EPHB1: variants seen among roughly 807,000 people sequenced by gnomAD.
EPHB1 encodes EPH receptor B1, also known as ephrin type-B receptor 1.
A neutral mutation model predicts 94.4 loss-of-function variants in EPHB1; 30 were observed. The ratio of observed to expected loss-of-function variants is 0.32; its 90% CI spans 0.24 to 0.43. EPHB1 has a LOEUF of 0.43. EPHB1 is among the 20% of genes least tolerant of loss of function. The pLI, the probability that EPHB1 is intolerant of heterozygous loss-of-function variation, is 1.00. For missense variants in EPHB1, 1,055 were observed against 1,308.3 expected, an observed-to-expected ratio of 0.81 and a Z score of 2.99; for synonymous variants, 522 against 489.1, an observed-to-expected ratio of 1.07 and a Z score of -0.89.
chr3:134,799,260 G>A (rs2035890203), intron 1 of EPHB1, among the ~76,000 whole-genome samples: 1 of 152,210 alleles, frequency 6.6e-6, no homozygotes, highest in East Asian at 1.9e-4. Context: ...GCCACAAGGT[G>A]AGGCAGTGAT....
chr3:135,038,951 C>G (rs993356081), intron 3 of EPHB1, among the ~76,000 whole-genome samples: 2 of 152,118 alleles, frequency 1.3e-5, no homozygotes, highest in African/African-American at 2.4e-5. Flanking sequence ...TTTGTCACGG[C>G]GCTGATTGGT....
At chr3:135,076,071 T>A (rs1937900329) in intron 3 of EPHB1, among the ~76,000 whole-genome samples, 1 of 151,980 alleles carries the variant, frequency 6.6e-6, no homozygotes. Flanking sequence ...TCCAAATGGA[T>A]CATAGACCTA....
chr3:135,090,135 T>G (rs141157646), intron 3 of EPHB1, among the ~76,000 whole-genome samples: 73 of 152,338 alleles, frequency 4.8e-4, no homozygotes, highest in African/African-American at 1.7e-3. Flanking sequence ...CTTCGCTGCC[T>G]CTGTTGCAGT....
chr3:134,932,106 G>A (rs1214251959), intron 2 of EPHB1, among the ~76,000 whole-genome samples: 6 of 152,006 alleles, frequency 3.9e-5, no homozygotes, highest in Non-Finnish European at 8.8e-5. Flanking sequence ...CAGTTCTAGA[G>A]TTCTGGAAAC....
At position 135,156,999 on chromosome 3, in the gene EPHB1, C is replaced by T. The variant is rs139674830; in HGVS notation, c.1422+2723C>T. The stretch of plus-strand genomic sequence containing the variant: ...AAAAACAATAATAATTTCTCCCCAG[C>T]GTGCACCTATTGTGTGCCAGGGGTT... On this transcript the variant is annotated intron_variant, in intron 6 of 15. Transcript: ENST00000398015. Among the ~76,000 whole-genome samples, 585 of 152,220 alleles carry T rather than the reference C, an allele frequency of 3.8e-3. 3 individuals are homozygous for T. Among genetic ancestry groups the T allele is most frequent in the African/African-American group, 0.013 (544 of 41,492 alleles).
chr3:135,010,855 C>T (rs1652068167), intron 3 of EPHB1, among the ~76,000 whole-genome samples: 1 of 152,060 alleles, frequency 6.6e-6, no homozygotes, highest in South Asian at 2.1e-4. Flanking sequence ...AGCCACCGTG[C>T]CCGGCCGAGG....
intron 12 of EPHB1, among the ~76,000 whole-genome samples, chr3:135,204,261 T>G (rs1942837912): frequency 6.6e-6 from 1 of 152,184 alleles, no homozygotes; most frequent in Non-Finnish European, 1.5e-5. Context: ...TGGAGTGCAA[T>G]GGCATGATCT....
At position 134,801,508 on chromosome 3, in the gene EPHB1, G is replaced by A. The variant is rs566249127; in HGVS notation, c.58+5819G>A. Among the ~76,000 whole-genome samples the A allele has an allele frequency of 3.9e-5, 6 of 152,258 alleles. No individual in the cohort carries two copies. In the East Asian group the frequency reaches 1.2e-3, roughly 29 times the overall value. ...GGATTCCAGGAGTCTGCATTCCTTG[G>A]AAGAGCTCTTTTTATGTTTCCCTCT... On this transcript the variant is annotated intron_variant, in intron 1 of 15. Coordinates refer to ENST00000398015, the MANE Select transcript of EPHB1 (RefSeq NM_004441.5).
intron 1 of EPHB1, among the ~76,000 whole-genome samples, chr3:134,801,923 G>A (rs530657933): frequency 6.6e-6 from 1 of 152,312 alleles, no homozygotes; most frequent in South Asian, 2.1e-4. Flanking sequence ...ACTTTCCAGG[G>A]AGGCCTGGAG....
chr3:135,047,029 C>T (rs1477768016), intron 3 of EPHB1, among the ~76,000 whole-genome samples: 3 of 152,138 alleles, frequency 2.0e-5, no homozygotes, highest in African/African-American at 7.2e-5. Context: ...AGTAGAGGGA[C>T]CCAGGAAGCT....
intron 3 of EPHB1, among the ~76,000 whole-genome samples, chr3:135,049,016 G>A (rs1937091028): frequency 6.6e-6 from 1 of 152,284 alleles, no homozygotes; most frequent in East Asian, 1.9e-4. Flanking sequence ...TATAGAAGGT[G>A]CCTTTGGCCA....
At chr3:135,143,126 T>G (rs1430517602) in intron 5 of EPHB1, among the ~76,000 whole-genome samples, 6 of 94,486 alleles carry the variant, frequency 6.4e-5, no homozygotes, top group East Asian at 3.0e-4. Flanking sequence ...GGGAAGGAGG[T>G]GGGTACAGGG....
intron 1 of EPHB1, among the ~76,000 whole-genome samples, chr3:134,857,827 A>G (rs34640730): frequency 0.21 from 32,635 of 152,138 alleles, 4,009 homozygotes; most frequent in African/African-American, 0.33. Flanking sequence ...CAGGTGGTCT[A>G]CAGGGAGAGG....
rs561402019 is a variant in EPHB1, at chr3:135,223,048, C to T, written c.2347-18100C>T. On this transcript the variant is annotated intron_variant, in intron 12 of 15. Coordinates refer to ENST00000398015, the MANE Select transcript of EPHB1 (RefSeq NM_004441.5). ...ATTAGGAAATTACAGTCCAGTCAAT[C>T]ACATTCAGAAATCATGTACTACACT... 9.2e-5 allele frequency among the ~76,000 whole-genome samples: 14 copies of T among 152,306 alleles called. No homozygotes were observed. The South Asian group carries it at 2.7e-3, about 29-fold the overall frequency.
intron 15 of EPHB1, among the ~76,000 whole-genome samples, chr3:135,256,544 G>GC (rs1244186539): frequency 3.9e-5 from 6 of 152,034 alleles, no homozygotes; most frequent in African/African-American, 1.5e-4. Context: ...TTGAATATTG[G>GC]CCCCCACTCT....
intron 1 of EPHB1, among the ~76,000 whole-genome samples, chr3:134,890,691 C>T (rs1046262930): frequency 1.3e-5 from 2 of 152,152 alleles, no homozygotes; most frequent in Non-Finnish European, 2.9e-5. Flanking sequence ...AAATAAATAA[C>T]ACTTTCATTG....
At chr3:135,061,738 C>T (rs993931645) in intron 3 of EPHB1, among the ~76,000 whole-genome samples, 3 of 152,014 alleles carry the variant, frequency 2.0e-5, no homozygotes, top group Non-Finnish European at 4.4e-5. Flanking sequence ...CTAATGCTAT[C>T]CCTCCCCACT....
chr3:134,892,486 G>A (rs1236143904), intron 1 of EPHB1, among the ~76,000 whole-genome samples: 2 of 152,330 alleles, frequency 1.3e-5, no homozygotes, highest in South Asian at 2.1e-4. Context: ...CTCTATTTGC[G>A]TGAGAAAAGA....
At chr3:134,809,293 G>T (rs1350121177) in intron 1 of EPHB1, among the ~76,000 whole-genome samples, 2 of 152,064 alleles carry the variant, frequency 1.3e-5, no homozygotes, top group Non-Finnish European at 2.9e-5. Context: ...ATCAGAAGAA[G>T]GCTCCATTTG....
Sources: gnomAD v4.1 joint callset for allele counts (sites outside exome capture counted in the v4.1 genomes callset) on GRCh38, gnomAD v4.1.1 for gene constraint, MANE v1.5 for transcripts, NCBI Gene and HGNC (gene_info 2026-07-23, HGNC 2026-07-21) for gene names.